The following RAPGEF4 variants were observed in gnomAD, a reference collection of about 807,000 sequenced individuals.
The protein encoded by RAPGEF4 is Rap guanine nucleotide exchange factor 4.
RAPGEF4 carries 66 observed loss-of-function variants against 147.9 expected under a neutral mutation model. The ratio of observed to expected loss-of-function variants is 0.45; its 90% CI spans 0.37 to 0.55. The LOEUF (loss-of-function observed/expected upper bound fraction) is 0.55, where lower values mean the gene tolerates loss of function less well. Among genes scored for constraint, RAPGEF4 ranks in the 20% least tolerant of loss-of-function variants. The probability of loss-of-function intolerance (pLI) is 0.00; values close to 1 mark genes in which losing one functional copy is unlikely to be tolerated. For synonymous variants in RAPGEF4, 419 were observed against 442.7 expected, an observed-to-expected ratio of 0.95 and a Z score of 0.67; for missense variants, 1,071 against 1,257.3, an observed-to-expected ratio of 0.85 and a Z score of 2.24.
At chr2:172,920,040 T>G (rs1255313154) in intron 5 of RAPGEF4, among the ~76,000 whole-genome samples, 1 of 152,142 alleles carries the variant, frequency 6.6e-6, no homozygotes, top group Non-Finnish European at 1.5e-5. Context: ...TCACCCTTGG[T>G]CTAGTCTAGG....
At position 172,960,769 on chromosome 2, in the gene RAPGEF4, A is replaced by C; in HGVS notation, c.547A>C (p.Ile183Leu). The C allele has an allele frequency of 6.2e-7, 1 of 1,604,452 alleles. No homozygotes were observed. Among genetic ancestry groups the C allele is most frequent in the Non-Finnish European group, 8.5e-7 (1 of 1,175,280 alleles). Residue 183 changes from isoleucine (I) to leucine (L), a missense_variant, in exon 7 of 31, where the codon ATT becomes CTT. Physicochemically the swap from Ile to Leu is conservative, Grantham distance 5. Transcript: ENST00000397081. The part of the protein sequence containing the change: ...RIPDKENTPL[I>L]EPHVPLRPAN... Reference sequence around the variant, plus strand: ...ACATTTTATTTTTCAGACACCTCTCATTGAACCTCACGTTCCTCTTCGTCC... The same window carrying C: ...ACATTTTATTTTTCAGACACCTCTCCTTGAACCTCACGTTCCTCTTCGTCC...
At chr2:172,743,720 A>C (rs1694515213) in intron 1 of RAPGEF4, among the ~76,000 whole-genome samples, 1 of 152,118 alleles carries the variant, frequency 6.6e-6, no homozygotes, top group African/African-American at 2.4e-5. Context: ...GCTTCCAGGG[A>C]AGCTCTTGCT....
At chr2:172,794,503 G>A (rs761821006) in intron 1 of RAPGEF4, among the ~76,000 whole-genome samples, 19 of 152,102 alleles carry the variant, frequency 1.2e-4, no homozygotes, top group South Asian at 4.1e-4. Context: ...TGCTCCCTGC[G>A]GACAGTCCCG....
At chr2:172,886,675 T>C (rs1697259554) in intron 4 of RAPGEF4, among the ~76,000 whole-genome samples, 1 of 152,040 alleles carries the variant, frequency 6.6e-6, no homozygotes, top group African/African-American at 2.4e-5. Context: ...AGAAGTGAGA[T>C]TCCCACCTCT....
At chr2:172,990,472 C>CT (rs1172765186) in intron 14 of RAPGEF4, among the ~76,000 whole-genome samples, 14 of 152,224 alleles carry the variant, frequency 9.2e-5, no homozygotes, top group Admixed American at 4.6e-4. Flanking sequence ...GCTGAAGCTG[C>CT]TTGCTATTTA....
chr2:172,987,238 G>C (rs2105705336), intron 12 of RAPGEF4, among the ~76,000 whole-genome samples: 1 of 152,258 alleles, frequency 6.6e-6, no homozygotes, highest in East Asian at 1.9e-4. Flanking sequence ...GGAGGTCAAG[G>C]CTGCAGTGAG....
At chr2:172,886,751 G>A (rs1697270771) in intron 4 of RAPGEF4, among the ~76,000 whole-genome samples, 1 of 150,406 alleles carries the variant, frequency 6.6e-6, no homozygotes, top group African/African-American at 2.4e-5. Context: ...AAGAGATAGA[G>A]ATTTTACTAT....
At chr2:172,760,185 G>T (rs1696170017) in intron 1 of RAPGEF4, among the ~76,000 whole-genome samples, 2 of 151,986 alleles carry the variant, frequency 1.3e-5, no homozygotes, top group South Asian at 4.1e-4. Flanking sequence ...ACCCCCATCA[G>T]CAAAGACCAA....
chr2:172,937,091 C>T (rs1414872065), intron 6 of RAPGEF4, among the ~76,000 whole-genome samples: 1 of 144,690 alleles, frequency 6.9e-6, no homozygotes, highest in Non-Finnish European at 1.5e-5. Flanking sequence ...CATGGTGGTA[C>T]CTGCTTGCAG....
At chr2:172,841,606 A>G (rs547017675) in intron 4 of RAPGEF4, among the ~76,000 whole-genome samples, 9 of 152,304 alleles carry the variant, frequency 5.9e-5, no homozygotes, top group Non-Finnish European at 1.2e-4. Context: ...ACTGATACAG[A>G]TGGAATTTAC....
At chr2:172,978,555 G>A (rs369957732) in intron 10 of RAPGEF4, among the ~76,000 whole-genome samples, 1 of 152,222 alleles carries the variant, frequency 6.6e-6, no homozygotes, top group African/African-American at 2.4e-5. Flanking sequence ...GTCCACTACT[G>A]AGTGTGACAG....
chr2:173,022,548 C>T lies in RAPGEF4; in HGVS notation c.2253+1833C>T, dbSNP rs114959654. Among the ~76,000 whole-genome samples, 900 of 152,272 alleles carry T rather than the reference C, an allele frequency of 5.9e-3. 11 individuals are homozygous for T. Among genetic ancestry groups the T allele is most frequent in the African/African-American group, 0.02 (842 of 41,550 alleles). ...AGGAGTCGCACAGAGGATGACCCTG[C>T]AGTAGAGAATGTTGGCCACACTCTC... On this transcript the variant is annotated intron_variant, in intron 23 of 30. Transcript: ENST00000397081.
chr2:172,982,579 T>C (rs1053432511), intron 10 of RAPGEF4, among the ~76,000 whole-genome samples: 6 of 152,178 alleles, frequency 3.9e-5, no homozygotes, highest in African/African-American at 1.2e-4. Flanking sequence ...CTATGAATGA[T>C]TTCAAAATAA....
At chr2:172,835,267 T>C (rs1465177288) in intron 4 of RAPGEF4, among the ~76,000 whole-genome samples, 2 of 152,368 alleles carry the variant, frequency 1.3e-5, no homozygotes, top group South Asian at 2.1e-4. Flanking sequence ...AGGACAGATA[T>C]GCAGTTGCTA....
chr2:172,965,292 G>A (rs991583048), intron 8 of RAPGEF4: 9 of 413,306 alleles, frequency 2.2e-5, no homozygotes, highest in South Asian at 1.8e-4. Flanking sequence ...CCCCTCTAGC[G>A]GCCCCCTGGT....
chr2:172,841,809 CACACACACTACACACACACT>C (rs925449519), intron 4 of RAPGEF4, among the ~76,000 whole-genome samples: 2 of 137,246 alleles, frequency 1.5e-5, no homozygotes, highest in African/African-American at 2.8e-5. Flanking sequence ...CACACACACA[CACACACACTACACACACACT>C]ACACACACAC....
At chr2:173,036,801 T>A (rs1684079048) in intron 29 of RAPGEF4, 109 bp downstream of exon 29, 4 of 693,448 alleles carry the variant, frequency 5.8e-6, no homozygotes, top group South Asian at 2.4e-5. Flanking sequence ...AAAAAGGTAG[T>A]TACACATAAA....
At chr2:172,876,666 G>A (rs1695966858) in intron 4 of RAPGEF4, among the ~76,000 whole-genome samples, 1 of 152,148 alleles carries the variant, frequency 6.6e-6, no homozygotes, top group African/African-American at 2.4e-5. Context: ...TTTTATTGAG[G>A]ATTTTTGCAT....
chr2:172,990,146 G>GA (rs1457127675), intron 14 of RAPGEF4, among the ~76,000 whole-genome samples: 1 of 152,034 alleles, frequency 6.6e-6, no homozygotes, highest in Non-Finnish European at 1.5e-5. Flanking sequence ...AAATGTTGAG[G>GA]AAAAGCATGT....
Sources: allele counts gnomAD v4.1 joint callset (sites outside exome capture counted in the v4.1 genomes callset), GRCh38; gene constraint gnomAD v4.1.1; transcripts MANE v1.5; gene names NCBI Gene and HGNC (gene_info 2026-07-23, HGNC 2026-07-21).